PKP4: variants seen among roughly 807,000 people sequenced by gnomAD.
PKP4 encodes plakophilin 4, also known as plakophilin-4.
PKP4 carries 90 observed loss-of-function variants against 145.1 expected under a neutral mutation model. That is an observed-to-expected ratio of 0.62 (90% CI 0.52 to 0.74). PKP4 has a LOEUF of 0.74. PKP4 is among the 30% of genes least tolerant of loss of function. PKP4 has a pLI of 0.00. For synonymous variants in PKP4, 563 were observed against 577.2 expected, an observed-to-expected ratio of 0.98 and a Z score of 0.35; for missense variants, 1,340 against 1,482.7, an observed-to-expected ratio of 0.90 and a Z score of 1.58.
chr2:158,650,814 CAG>C (rs36104558), intron 11 of PKP4, among the ~76,000 whole-genome samples: 13,299 of 152,262 alleles, frequency 0.087, 747 homozygotes, highest in Middle Eastern at 0.17. Flanking sequence ...CCAGAGAACA[CAG>C]GGGTGAGCAA....
At chr2:158,481,006 A>G (rs1375532481) in intron 1 of PKP4, among the ~76,000 whole-genome samples, 1 of 152,182 alleles carries the variant, frequency 6.6e-6, no homozygotes, top group African/African-American at 2.4e-5. Context: ...TTTTTTACTT[A>G]GCATGTTTTC....
rs2105442631 is a variant in PKP4 at position 158,483,781 on chromosome 2, G to T, written c.-6+26563G>T. Among the ~76,000 whole-genome samples, 3 of 82,484 alleles carry T rather than the reference G, an allele frequency of 3.6e-5. No individual in the cohort carries two copies. The Middle Eastern group carries it at 0.015, about 425-fold the overall frequency. The allele number at this position is 82,484 out of a possible 152,430, so 54.1% of individuals were successfully genotyped here. On this transcript the variant is annotated intron_variant, in intron 1 of 21. Transcript: ENST00000389759. ...TAGAACCAATTGAATTTGGAATTAT[G>T]TTCTGCTCTAAGGAAATGTGTAGAT...
At chr2:158,567,036 T>C (rs563103055) in intron 2 of PKP4, among the ~76,000 whole-genome samples, 127 of 152,274 alleles carry the variant, frequency 8.3e-4, no homozygotes, top group African/African-American at 2.8e-3. Context: ...GATCAAGATG[T>C]CAGGGAGGAA....
intron 12 of PKP4, chr2:158,660,331 G>A (rs1238248808): frequency 1.3e-5 from 2 of 152,670 alleles, no homozygotes; most frequent in Non-Finnish European, 2.9e-5. Context: ...TCCATAGGTT[G>A]TATTAAAGAC....
chr2:158,671,508 C>T (rs2057555130), intron 17 of PKP4, among the ~76,000 whole-genome samples: 1 of 152,138 alleles, frequency 6.6e-6, no homozygotes, highest in Admixed American at 6.6e-5. Flanking sequence ...AGAACCTTTC[C>T]ATATTAAGAA....
intron 2 of PKP4, among the ~76,000 whole-genome samples, chr2:158,567,323 A>T (rs2047070183): frequency 6.6e-6 from 1 of 152,168 alleles, no homozygotes. Flanking sequence ...AGTGGTGTGT[A>T]TAGGAAGCCA....
At chr2:158,496,838 C>A (rs370853402) in intron 1 of PKP4, among the ~76,000 whole-genome samples, 1 of 151,332 alleles carries the variant, frequency 6.6e-6, no homozygotes, top group South Asian at 2.1e-4. Context: ...TCTTTATCCT[C>A]CTGGGTAGGT....
chr2:158,551,639 A>G (rs1233848039), intron 2 of PKP4, among the ~76,000 whole-genome samples: 1 of 152,224 alleles, frequency 6.6e-6, no homozygotes, highest in African/African-American at 2.4e-5. Flanking sequence ...TTTTTACTTT[A>G]TGCAGAAGTA....
chr2:158,641,776 T>G (rs1363186226), intron 10 of PKP4, among the ~76,000 whole-genome samples: 2 of 152,202 alleles, frequency 1.3e-5, no homozygotes, highest in Non-Finnish European at 2.9e-5. Flanking sequence ...TTCTAGAAAC[T>G]AAATAACTTA....
intron 2 of PKP4, among the ~76,000 whole-genome samples, chr2:158,539,236 C>T (rs1033312594): frequency 2.0e-5 from 3 of 151,922 alleles, no homozygotes; most frequent in African/African-American, 7.3e-5. Flanking sequence ...AATCTGAAGC[C>T]CAACTGTGTC....
intron 4 of PKP4, among the ~76,000 whole-genome samples, chr2:158,615,023 AT>A (rs1237674374): frequency 5.9e-5 from 9 of 151,928 alleles, no homozygotes; most frequent in Admixed American, 3.9e-4. Flanking sequence ...AAAAAAAAAA[AT>A]AACTAGTGGA....
At chr2:158,476,461 G>A (rs1265925145) in intron 1 of PKP4, among the ~76,000 whole-genome samples, 1 of 152,112 alleles carries the variant, frequency 6.6e-6, no homozygotes, top group African/African-American at 2.4e-5. Context: ...CTCCCAAGTA[G>A]CTGGGACTAC....
At chr2:158,547,107 G>C (rs2045135720) in intron 2 of PKP4, among the ~76,000 whole-genome samples, 2 of 152,006 alleles carry the variant, frequency 1.3e-5, no homozygotes, top group Non-Finnish European at 2.9e-5. Flanking sequence ...CAACCATGTT[G>C]GAAAACAATT....
intron 14 of PKP4, 85 bp from the exon 15 acceptor site, chr2:158,663,187 C>A: frequency 1.3e-6 from 2 of 1,514,636 alleles, no homozygotes; most frequent in Admixed American, 1.9e-5. Context: ...ATAGCTATAG[C>A]TGAGTCCCGC....
chr2:158,669,616 TGG>T, intron 16 of PKP4, 102 bp from the exon 17 acceptor site: 1 of 885,264 alleles, frequency 1.1e-6, no homozygotes, highest in Non-Finnish European at 1.6e-6. Flanking sequence ...ATTGTCTCTT[TGG>T]GGGTTTTATT....
intron 2 of PKP4, among the ~76,000 whole-genome samples, chr2:158,575,596 T>C (rs922321755): frequency 6.6e-6 from 1 of 152,140 alleles, no homozygotes; most frequent in Admixed American, 6.6e-5. Context: ...CATCCCAAAA[T>C]GAGGACAGTA....
At chr2:158,496,779 T>C (rs1695786234) in intron 1 of PKP4, among the ~76,000 whole-genome samples, 1 of 149,564 alleles carries the variant, frequency 6.7e-6, no homozygotes, top group Non-Finnish European at 1.5e-5. Context: ...TGTGTGTGTG[T>C]GTGTGTGTGT....
chr2:158,503,446 A>C (rs1696876836), intron 1 of PKP4, among the ~76,000 whole-genome samples: 2 of 152,252 alleles, frequency 1.3e-5, no homozygotes, highest in Non-Finnish European at 2.9e-5. Context: ...CTCATGAATA[A>C]GAGGGCAAAT....
chr2:158,548,035 G>A (rs576152154), intron 2 of PKP4, among the ~76,000 whole-genome samples: 1 of 152,304 alleles, frequency 6.6e-6, no homozygotes. Context: ...AGAAAAATAT[G>A]TGCAATGTAA....
Sources: gnomAD v4.1 joint callset for allele counts (sites outside exome capture counted in the v4.1 genomes callset) on GRCh38, gnomAD v4.1.1 for gene constraint, MANE v1.5 for transcripts, NCBI Gene and HGNC (gene_info 2026-07-23, HGNC 2026-07-21) for gene names.